NAALADL2: variants seen among roughly 807,000 people sequenced by gnomAD.
NAALADL2 encodes the protein inactive N-acetylated-alpha-linked acidic dipeptidase-like protein 2.
In NAALADL2, 76 loss-of-function variants were observed where a neutral mutation model predicts 87.2. The ratio of observed to expected loss-of-function variants is 0.87; its 90% confidence interval spans 0.72 to 1.05. The LOEUF (loss-of-function observed/expected upper bound fraction) is 1.05. NAALADL2 is among the 50% of genes least tolerant of loss of function. The pLI, the probability that NAALADL2 is intolerant of heterozygous loss-of-function variation, is 0.00. For synonymous variants in NAALADL2, 354 were observed against 331.0 expected (o/e 1.07, Z -0.75); for missense variants, 1,089 against 945.8 (o/e 1.15, Z -1.99).
Position 175,012,488 on chromosome 3 carries a change from A to C in NAALADL2, c.44-84302A>C, listed in dbSNP as rs1368591304. 2.6e-5 allele frequency among the ~76,000 whole-genome samples: 4 copies of C among 152,254 alleles called. No individual in the cohort carries two copies. In the East Asian group the frequency reaches 7.7e-4, roughly 29 times the overall value. On this transcript the variant is annotated intron_variant, in intron 1 of 13. Coordinates refer to ENST00000454872, the MANE Select transcript of NAALADL2 (RefSeq NM_207015.3). ...TGGCCCATAAATTAATTGAGAAATG[A>C]AAATGTTTACTCCTGAATTGTCATT...
chr3:175,597,418 G>A (rs1419013669), intron 10 of NAALADL2, among the ~76,000 whole-genome samples: 1 of 151,930 alleles, frequency 6.6e-6, no homozygotes, highest in African/African-American at 2.4e-5. Context: ...TAGAAGTGTG[G>A]TTTTAGGAAT....
At position 175,787,437 on chromosome 3, in the gene NAALADL2, C is replaced by G. The variant is rs539971367; in HGVS notation, c.2190-15568C>G. Among the ~76,000 whole-genome samples, 650 of 152,256 alleles carry G rather than the reference C, an allele frequency of 4.3e-3. 1 individual carries two copies. The highest frequency in any genetic ancestry group is 6.1e-3 in the Non-Finnish European group (414 of 68,012). ...TGGTGCGCCGTTTTTTAAGCCGGTC[C>G]GAAAAGCACAATATTCGGATGGGAG... On this transcript the variant is annotated intron_variant, in intron 13 of 13. Coordinates refer to ENST00000454872, the MANE Select transcript of NAALADL2 (RefSeq NM_207015.3).
intron 10 of NAALADL2, among the ~76,000 whole-genome samples, chr3:175,594,341 T>C (rs1047723051): frequency 6.6e-6 from 1 of 152,220 alleles, no homozygotes; most frequent in Admixed American, 6.5e-5. Flanking sequence ...GTCTTTTTTA[T>C]GGCTTCATAG....
intron 2 of NAALADL2, among the ~76,000 whole-genome samples, chr3:174,721,908 G>T (rs1207133019): frequency 1.3e-5 from 2 of 152,088 alleles, no homozygotes; most frequent in South Asian, 2.1e-4. Context: ...GGTCCAAGAC[G>T]CATTTCAGGA....
chr3:174,869,677 G>A (rs16865319), intron 1 of NAALADL2, among the ~76,000 whole-genome samples: 25,005 of 151,956 alleles, frequency 0.16, 2,530 homozygotes, highest in African/African-American at 0.27. Flanking sequence ...TCGGCTAGCC[G>A]CAGCTGCAGT....
At chr3:175,086,261 A>G (rs777545020) in intron 1 of NAALADL2, among the ~76,000 whole-genome samples, 2 of 152,316 alleles carry the variant, frequency 1.3e-5, no homozygotes, top group Non-Finnish European at 2.9e-5. Flanking sequence ...AATGAAATGA[A>G]CTTTTTATGG....
At chr3:175,156,978 T>A (rs1450187586) in intron 2 of NAALADL2, among the ~76,000 whole-genome samples, 1 of 152,000 alleles carries the variant, frequency 6.6e-6, no homozygotes, top group Non-Finnish European at 1.5e-5. Context: ...TGCCACCGAG[T>A]CACATTCAGC....
chr3:174,651,255 T>C (rs891505536), intron 2 of NAALADL2, among the ~76,000 whole-genome samples: 2 of 152,220 alleles, frequency 1.3e-5, no homozygotes, highest in African/African-American at 4.8e-5. Context: ...CCAACACAAT[T>C]GCTGCTTAAT....
intron 2 of NAALADL2, among the ~76,000 whole-genome samples, chr3:174,606,368 C>G (rs890109315): frequency 6.6e-6 from 1 of 151,938 alleles, no homozygotes; most frequent in Non-Finnish European, 1.5e-5. Context: ...GATCAAACTA[C>G]TCTGAGCTAC....
chr3:175,075,358 G>A (rs570798899), intron 1 of NAALADL2, among the ~76,000 whole-genome samples: 2 of 152,182 alleles, frequency 1.3e-5, no homozygotes, highest in Middle Eastern at 3.4e-3. Flanking sequence ...TATCAGTCTT[G>A]TTTATATATA....
chr3:174,925,991 C>T (rs1174166930), intron 1 of NAALADL2, among the ~76,000 whole-genome samples: 2 of 151,990 alleles, frequency 1.3e-5, no homozygotes, highest in Admixed American at 6.6e-5. Context: ...ACTAGAATAA[C>T]CAGTGTAGAG....
chr3:174,615,692 C>G (rs991711439), intron 2 of NAALADL2, among the ~76,000 whole-genome samples: 1 of 152,050 alleles, frequency 6.6e-6, no homozygotes. Flanking sequence ...TCCCTCTTTT[C>G]TCTTCTTCCT....
chr3:175,537,909 T>C (rs1169962163), intron 9 of NAALADL2, among the ~76,000 whole-genome samples: 1 of 152,212 alleles, frequency 6.6e-6, no homozygotes, highest in Non-Finnish European at 1.5e-5. Context: ...AGGTTTCATA[T>C]GATAAGTTGA....
chr3:174,528,551 C>T (rs1441148980), intron 1 of NAALADL2, among the ~76,000 whole-genome samples: 2 of 152,142 alleles, frequency 1.3e-5, no homozygotes, highest in Non-Finnish European at 2.9e-5. Context: ...TTGCTTGAAC[C>T]TGAGGTGGAG....
chr3:175,442,502 A>G (rs1719964561), intron 5 of NAALADL2, among the ~76,000 whole-genome samples: 1 of 152,114 alleles, frequency 6.6e-6, no homozygotes, highest in Admixed American at 6.5e-5. Context: ...GAACTAATAT[A>G]CTATTTTTAT....
chr3:174,801,005 C>G (rs950853322), intron 3 of NAALADL2, among the ~76,000 whole-genome samples: 2 of 152,140 alleles, frequency 1.3e-5, no homozygotes, highest in African/African-American at 4.8e-5. Context: ...AACTAACTTG[C>G]TTTTGATTTT....
chr3:175,676,133 A>G (rs1371373329), intron 11 of NAALADL2: 3 of 152,138 alleles, frequency 2.0e-5, no homozygotes, highest in Non-Finnish European at 4.4e-5. Flanking sequence ...CTTCTCACAC[A>G]CTAAATCAAG....
At chr3:175,170,375 A>G (rs1047276649) in intron 2 of NAALADL2, among the ~76,000 whole-genome samples, 2 of 149,362 alleles carry the variant, frequency 1.3e-5, no homozygotes, top group African/African-American at 4.9e-5. Context: ...AAAAATTGTC[A>G]TTGGTTACTT....
At chr3:175,091,714 C>A (rs926491459) in intron 1 of NAALADL2, among the ~76,000 whole-genome samples, 21 of 152,016 alleles carry the variant, frequency 1.4e-4, no homozygotes, top group African/African-American at 4.8e-4. Flanking sequence ...AAACAGAATT[C>A]TTTACGATGG....
Sources: allele counts gnomAD v4.1 joint callset (sites outside exome capture counted in the v4.1 genomes callset), GRCh38; gene constraint gnomAD v4.1.1; transcripts MANE v1.5; gene names NCBI Gene and HGNC (gene_info 2026-07-23, HGNC 2026-07-21).